The following GABRB3 variants were observed in gnomAD, a reference collection of about 807,000 sequenced individuals.
The protein encoded by GABRB3 is gamma-aminobutyric acid type A receptor subunit beta3.
Under a neutral mutation model 52.1 loss-of-function variants are expected in GABRB3, and 14 were observed. The ratio of observed to expected loss-of-function variants is 0.27; its 90% confidence interval spans 0.18 to 0.42. The LOEUF (loss-of-function observed/expected upper bound fraction) is 0.42. Ranked by LOEUF, GABRB3 falls within the 10% of genes least tolerant of loss-of-function variation. The pLI is 1.00. For synonymous variants in GABRB3, 260 were observed against 232.3 expected, an observed-to-expected ratio of 1.12 and a Z score of -1.08; for missense variants, 307 against 609.1, an observed-to-expected ratio of 0.50 and a Z score of 5.22.
rs565890322 is a variant in GABRB3, at chr15:26,632,065, G to A, written c.241-10531C>T. Among the ~76,000 whole-genome samples, 10 of 152,320 alleles carry A rather than the reference G, an allele frequency of 6.6e-5. No homozygotes were observed. The South Asian group carries it at 8.3e-4, about 13-fold the overall frequency. ...GCGAACGTGCCGAAGTCTCAAGTTG[G>A]CCTCCTACTGGCCCAGCAAGTGACA... is the stretch of plus-strand genomic sequence containing the variant. On this transcript the variant is annotated intron_variant, in intron 3 of 8. Coordinates refer to ENST00000311550, the MANE Select transcript of GABRB3 (RefSeq NM_000814.6).
intron 3 of GABRB3, among the ~76,000 whole-genome samples, chr15:26,682,868 C>T (rs1211616365): frequency 3.9e-5 from 6 of 152,196 alleles, no homozygotes; most frequent in Non-Finnish European, 7.4e-5. Context: ...CCAGAACACT[C>T]GGCAAGCTGG....
chr15:26,564,685 G>C (rs1233109575), intron 7 of GABRB3, among the ~76,000 whole-genome samples: 1 of 152,202 alleles, frequency 6.6e-6, no homozygotes, highest in Non-Finnish European at 1.5e-5. Flanking sequence ...GCTTGGGAAG[G>C]GGTGGCAGGA....
At chr15:26,599,012 C>T (rs1487102517) in intron 4 of GABRB3, among the ~76,000 whole-genome samples, 1 of 152,196 alleles carries the variant, frequency 6.6e-6, no homozygotes, top group Non-Finnish European at 1.5e-5. Context: ...GAGACTCCCA[C>T]CTCTGCACAT....
intron 4 of GABRB3, among the ~76,000 whole-genome samples, chr15:26,589,250 A>AT (rs1185930117): frequency 5.3e-5 from 8 of 152,238 alleles, no homozygotes; most frequent in African/African-American, 1.7e-4. Context: ...ACTTCTCTTC[A>AT]TAAGGACTGC....
intron 8 of GABRB3, among the ~76,000 whole-genome samples, chr15:26,554,207 A>ATATATATATTTATTTATTTATT (rs1348288306): frequency 1.2e-4 from 7 of 57,830 alleles, no homozygotes; most frequent in South Asian, 6.2e-4. Context: ...ATATATATAT[A>ATATATATATTTATTTATTTATT]TAGTAGAAAC....
At chr15:26,573,219 T>C (rs961088338) in intron 6 of GABRB3, among the ~76,000 whole-genome samples, 16 of 152,206 alleles carry the variant, frequency 1.1e-4, no homozygotes, top group African/African-American at 3.6e-4. Context: ...AGAGCCGTTC[T>C]GGGCCCATTA....
At chr15:26,717,330 G>A (rs1391952752) in intron 3 of GABRB3, among the ~76,000 whole-genome samples, 2 of 151,874 alleles carry the variant, frequency 1.3e-5, no homozygotes, top group Admixed American at 6.6e-5. Flanking sequence ...CCAGCTCTGG[G>A]GACCTCCACC....
intron 3 of GABRB3, among the ~76,000 whole-genome samples, chr15:26,726,453 A>G (rs1889773344): frequency 6.6e-6 from 1 of 152,170 alleles, no homozygotes; most frequent in African/African-American, 2.4e-5. Flanking sequence ...TCCTTTCTGG[A>G]CCCGGTTCCA....
Position 26,709,520 on chromosome 15 carries a change from T to C in GABRB3, c.240+62882A>G, listed in dbSNP as rs866581868. Among the ~76,000 whole-genome samples, 103 of 134,898 alleles carry C rather than the reference T, an allele frequency of 7.6e-4. 1 individual carries two copies. Among genetic ancestry groups the C allele is most frequent in the Middle Eastern group, 3.8e-3 (1 of 262 alleles). 88.5% of individuals were successfully genotyped at this position (134,898 alleles called of 152,430 possible). Reference sequence around the variant, plus strand: ...CTCTTTTCTTTTTTTTCTTTCTTTTTTTTTTTTTTTTTTTTTTGAGACAGT... The same window carrying C: ...CTCTTTTCTTTTTTTTCTTTCTTTTCTTTTTTTTTTTTTTTTTGAGACAGT... On this transcript the variant is annotated intron_variant, in intron 3 of 8. Coordinates refer to ENST00000311550, the MANE Select transcript of GABRB3 (RefSeq NM_000814.6).
At chr15:26,772,555 G>C (rs1891179252) in intron 2 of GABRB3, 86 bp from the exon 3 acceptor site, 1 of 1,482,584 alleles carries the variant, frequency 6.7e-7, no homozygotes, top group Non-Finnish European at 9.1e-7. Flanking sequence ...TCCCAGGAGG[G>C]GCGCGGGCGA....
chr15:26,764,904 G>A (rs1007670304), intron 3 of GABRB3, among the ~76,000 whole-genome samples: 2 of 152,108 alleles, frequency 1.3e-5, no homozygotes, highest in Non-Finnish European at 2.9e-5. Flanking sequence ...GCCGAGGCAG[G>A]TGGATCACGA....
At chr15:26,732,191 T>C (rs923149141) in intron 3 of GABRB3, among the ~76,000 whole-genome samples, 5 of 151,044 alleles carry the variant, frequency 3.3e-5, no homozygotes, top group African/African-American at 7.3e-5. Context: ...GATGAATGTA[T>C]AGATGGATGG....
intron 3 of GABRB3, among the ~76,000 whole-genome samples, chr15:26,718,457 C>A (rs946524843): frequency 3.9e-5 from 6 of 152,188 alleles, no homozygotes; most frequent in Non-Finnish European, 5.9e-5. Flanking sequence ...GATCCGCCCA[C>A]CTCAGCCTCC....
intron 3 of GABRB3, chr15:26,642,296 T>C: frequency 6.3e-6 from 2 of 316,512 alleles, no homozygotes; most frequent in Non-Finnish European, 1.3e-5. Context: ...TCGTGTATGG[T>C]ATACATGGGT....
intron 3 of GABRB3, chr15:26,767,043 A>T (rs1891016775): frequency 6.6e-6 from 1 of 152,216 alleles, no homozygotes; most frequent in Non-Finnish European, 1.5e-5. Context: ...TCCATCTCTG[A>T]AGTTCATTAT....
At chr15:26,567,836 C>T (rs748048570) in intron 6 of GABRB3, 103 bp from the exon 7 acceptor site, 24 of 1,146,990 alleles carry the variant, frequency 2.1e-5, no homozygotes, top group Middle Eastern at 1.9e-4. Context: ...GAAAAGTCTG[C>T]GAATAAAGGG....
chr15:26,558,041 G>A (rs184299846), intron 8 of GABRB3: 1 of 152,226 alleles, frequency 6.6e-6, no homozygotes, highest in East Asian at 1.9e-4. Context: ...AGACAGCGTT[G>A]TATGTGTATG....
chr15:26,719,459 T>C (rs1889587119), intron 3 of GABRB3, among the ~76,000 whole-genome samples: 1 of 152,270 alleles, frequency 6.6e-6, no homozygotes, highest in Non-Finnish European at 1.5e-5. Flanking sequence ...CAATCGTTCC[T>C]AAAATTATTA....
intron 3 of GABRB3, among the ~76,000 whole-genome samples, chr15:26,733,806 G>A (rs747065581): frequency 1.3e-5 from 2 of 152,080 alleles, no homozygotes; most frequent in Non-Finnish European, 2.9e-5. Context: ...ATAGAATAGA[G>A]GCCTCAGAAA....
Sources: allele counts gnomAD v4.1 joint callset (sites outside exome capture counted in the v4.1 genomes callset), GRCh38; gene constraint gnomAD v4.1.1; transcripts MANE v1.5; gene names NCBI Gene and HGNC (gene_info 2026-07-23, HGNC 2026-07-21).